The following NR3C2 variants were observed in gnomAD, a reference collection of about 807,000 sequenced individuals.
NR3C2 encodes nuclear receptor subfamily 3 group C member 2.
In NR3C2, 15 loss-of-function variants were observed where a neutral mutation model predicts 86.4. The ratio of observed to expected loss-of-function variants is 0.17; its 90% CI spans 0.12 to 0.27. NR3C2 has a LOEUF of 0.27. NR3C2 is among the 10% of genes least tolerant of loss of function. The probability of loss-of-function intolerance (pLI) is 1.00; values close to 1 mark genes in which losing one functional copy is unlikely to be tolerated. For synonymous variants in NR3C2, 458 were observed against 450.5 expected, an observed-to-expected ratio of 1.02 and a Z score of -0.21; for missense variants, 960 against 1,195.6, an observed-to-expected ratio of 0.80 and a Z score of 2.91.
At chr4:148,103,742 T>C (rs1462852535) in intron 8 of NR3C2, among the ~76,000 whole-genome samples, 1 of 152,130 alleles carries the variant, frequency 6.6e-6, no homozygotes, top group Non-Finnish European at 1.5e-5. Context: ...CCTTAAACCA[T>C]TAATGTGGTG....
chr4:148,344,014 A>G (rs2137335), intron 2 of NR3C2, among the ~76,000 whole-genome samples: 46,365 of 151,988 alleles, frequency 0.31, 7,862 homozygotes, highest in African/African-American at 0.45. Context: ...ATTAATTGCT[A>G]AATGGCAACT....
intron 6 of NR3C2, among the ~76,000 whole-genome samples, chr4:148,147,225 C>T (rs1733912503): frequency 6.6e-6 from 1 of 152,230 alleles, no homozygotes. Context: ...TTTCCTCCAT[C>T]TCCAGTGATG....
At chr4:148,137,802 C>G (rs1456049858) in intron 6 of NR3C2, among the ~76,000 whole-genome samples, 2 of 152,080 alleles carry the variant, frequency 1.3e-5, no homozygotes, top group Non-Finnish European at 2.9e-5. Flanking sequence ...CCCAAAACAA[C>G]CCATCACAAC....
At chr4:148,349,822 A>G (rs1263962188) in intron 2 of NR3C2, among the ~76,000 whole-genome samples, 1 of 152,170 alleles carries the variant, frequency 6.6e-6, no homozygotes, top group Non-Finnish European at 1.5e-5. Context: ...AGTGTAAAAG[A>G]AAGGTTTATG....
In NR3C2 at chr4:148,120,148, A is replaced by G; in HGVS notation, c.2641+10T>C. 6.2e-7 allele frequency: 1 copy of G among 1,614,064 alleles called. No homozygotes were observed. Among genetic ancestry groups the G allele is most frequent in the Non-Finnish European group, 8.5e-7 (1 of 1,179,930 alleles). ...ATATAGAAACAGTGCCAGAATGGGCATCAATTTACTTGTGCTTAGTAGCAG... is the reference window on the plus strand; with the variant it reads ...ATATAGAAACAGTGCCAGAATGGGCGTCAATTTACTTGTGCTTAGTAGCAG... On this transcript the variant is annotated intron_variant, in intron 7 of 8. Coordinates refer to ENST00000358102, the MANE Select transcript of NR3C2 (RefSeq NM_000901.5).
chr4:148,259,868 A>C, intron 3 of NR3C2, 110 bp downstream of exon 3: 7 of 1,387,166 alleles, frequency 5.0e-6, no homozygotes, highest in Non-Finnish European at 7.1e-6. Flanking sequence ...CTGACAGATT[A>C]AATCAAAAAT....
intron 2 of NR3C2, among the ~76,000 whole-genome samples, chr4:148,375,753 A>G (rs1746646227): frequency 6.6e-6 from 1 of 152,176 alleles, no homozygotes; most frequent in African/African-American, 2.4e-5. Context: ...ACAGCTGAAA[A>G]GCAGAACTCC....
At chr4:148,130,510 GCTCTACATAGCTCTCA>G (rs1414275368) in intron 6 of NR3C2, among the ~76,000 whole-genome samples, 1 of 152,172 alleles carries the variant, frequency 6.6e-6, no homozygotes, top group Non-Finnish European at 1.5e-5. Flanking sequence ...CCTGGATTAA[GCTCTACATAGCTCTCA>G]TCATTCTGAA....
intron 4 of NR3C2, among the ~76,000 whole-genome samples, chr4:148,165,561 T>C (rs1171934049): frequency 6.6e-6 from 1 of 152,110 alleles, no homozygotes; most frequent in Non-Finnish European, 1.5e-5. Context: ...TTAACATATA[T>C]TATCAAAAAC....
intron 2 of NR3C2, among the ~76,000 whole-genome samples, chr4:148,392,651 G>A (rs1183688370): frequency 6.6e-6 from 1 of 152,210 alleles, no homozygotes; most frequent in Non-Finnish European, 1.5e-5. Context: ...TGAGAAGGCA[G>A]GTCAAGGAAA....
chr4:148,305,334 G>C (rs564516137), intron 2 of NR3C2, among the ~76,000 whole-genome samples: 1 of 152,076 alleles, frequency 6.6e-6, no homozygotes, highest in Admixed American at 6.5e-5. Context: ...TTTAAAGACA[G>C]TGAAAAAAGC....
chr4:148,440,355 G>A (rs764533574), intron 1 of NR3C2, among the ~76,000 whole-genome samples: 1 of 152,202 alleles, frequency 6.6e-6, no homozygotes, highest in Non-Finnish European at 1.5e-5. Context: ...AATGACCATG[G>A]CTTGAGCAGA....
At chr4:148,123,122 G>A (rs1164053654) in intron 6 of NR3C2, among the ~76,000 whole-genome samples, 1 of 152,112 alleles carries the variant, frequency 6.6e-6, no homozygotes, top group Non-Finnish European at 1.5e-5. Flanking sequence ...GTCTATAAAT[G>A]GCCGCTCTGG....
rs557002204 is a variant in NR3C2, at chr4:148,260,051, A to G, written c.1824T>C (p.Asp608=). 14 of 1,614,130 alleles carry G rather than the reference A, an allele frequency of 8.7e-6. No homozygotes were observed. In the African/African-American group the frequency reaches 1.6e-4, roughly 18 times the overall value. Residue 608 remains aspartate, a synonymous_variant, in exon 3 of 9, where the codon GAT becomes GAC. Transcript: ENST00000358102. ...CCCCATAATGGCATCCTGAAGCCTC[A>G]TCCCCACACACCAAACATATTTTTG... ...RPSKICLVCG[D]EASGCHYGVV... is the part of the protein sequence containing the mutation.
intron 8 of NR3C2, among the ~76,000 whole-genome samples, chr4:148,106,726 T>A (rs1731817028): frequency 6.6e-6 from 1 of 151,666 alleles, no homozygotes; most frequent in African/African-American, 2.4e-5. Flanking sequence ...TACAACCATC[T>A]TTTGACCAAC....
chr4:148,216,919 T>A (rs1737568719), intron 3 of NR3C2, among the ~76,000 whole-genome samples: 1 of 152,222 alleles, frequency 6.6e-6, no homozygotes, highest in Non-Finnish European at 1.5e-5. Context: ...AAGTCTTAGA[T>A]GGTGGCCAAA....
intron 7 of NR3C2, among the ~76,000 whole-genome samples, chr4:148,118,983 C>T (rs933871501): frequency 6.6e-6 from 1 of 152,186 alleles, no homozygotes; most frequent in African/African-American, 2.4e-5. Flanking sequence ...CTCTCCTATC[C>T]TGTCTCTCTC....
chr4:148,223,808 CGTG>C (rs1385188270), intron 3 of NR3C2, among the ~76,000 whole-genome samples: 1 of 152,130 alleles, frequency 6.6e-6, no homozygotes, highest in Non-Finnish European at 1.5e-5. Context: ...CTGAAATAAT[CGTG>C]ATGTTATCAT....
At chr4:148,270,325 GAC>G (rs1239952831) in intron 2 of NR3C2, among the ~76,000 whole-genome samples, 2 of 152,108 alleles carry the variant, frequency 1.3e-5, no homozygotes, top group Non-Finnish European at 2.9e-5. Context: ...CAAGAACACA[GAC>G]ACTGTTCCAT....
Sources: gnomAD v4.1 joint callset for allele counts (sites outside exome capture counted in the v4.1 genomes callset) on GRCh38, gnomAD v4.1.1 for gene constraint, MANE v1.5 for transcripts, NCBI Gene and HGNC (gene_info 2026-07-23, HGNC 2026-07-21) for gene names.